The following PKNOX2 variants were observed in gnomAD, a reference collection of about 807,000 sequenced individuals.
PKNOX2 encodes PBX/knotted 1 homeobox 2, also known as homeobox protein PKNOX2.
Under a neutral mutation model 53.1 loss-of-function variants are expected in PKNOX2, and 14 were observed. That is an observed-to-expected ratio of 0.26 (90% CI 0.17 to 0.41). PKNOX2 has a LOEUF of 0.41. Ranked by LOEUF, PKNOX2 falls within the 10% of genes least tolerant of loss-of-function variation. PKNOX2 has a pLI of 1.00. For synonymous variants in PKNOX2, 257 were observed against 242.8 expected (o/e 1.06, Z -0.54); for missense variants, 496 against 602.8 (o/e 0.82, Z 1.85).
At chr11:125,374,452 G>A (rs545413266) in intron 5 of PKNOX2, among the ~76,000 whole-genome samples, 1 of 152,180 alleles carries the variant, frequency 6.6e-6, no homozygotes, top group Non-Finnish European at 1.5e-5. Context: ...ATAGTCAGGG[G>A]GGTGATCCTG....
At chr11:125,378,332 G>A (rs548952289) in intron 5 of PKNOX2, among the ~76,000 whole-genome samples, 1 of 152,198 alleles carries the variant, frequency 6.6e-6, no homozygotes, top group Admixed American at 6.5e-5. Context: ...CTGAGCAGTG[G>A]GACCCTGACC....
intron 4 of PKNOX2, among the ~76,000 whole-genome samples, chr11:125,357,751 G>A (rs529946063): frequency 1.3e-5 from 2 of 152,296 alleles, no homozygotes; most frequent in East Asian, 3.9e-4. Context: ...GTGGTCTGAA[G>A]AGGAGGATGG....
rs1041010467 is a variant in PKNOX2, at chr11:125,166,744, C to T, written c.-201+1968C>T. On this transcript the variant is annotated intron_variant, in intron 1 of 12. Coordinates refer to ENST00000298282, the MANE Select transcript of PKNOX2 (RefSeq NM_001382323.2). The surrounding 1 kb of genome is among the most constrained non-coding windows in gnomAD (Gnocchi z 4.0). ...GCTTCCTGTGCTTACCCGCGCCGGACTGAGAAGCCCACAAACCCGGCCTTT... is the reference window on the plus strand; with the variant it reads ...GCTTCCTGTGCTTACCCGCGCCGGATTGAGAAGCCCACAAACCCGGCCTTT... Among the ~76,000 whole-genome samples the T allele has an allele frequency of 6.6e-6, 1 of 152,206 alleles. No individual in the cohort carries two copies. The highest frequency in any genetic ancestry group is 6.5e-5 in the Admixed American group (1 of 15,288).
At chr11:125,402,029 T>C (rs1374895873) in intron 7 of PKNOX2, among the ~76,000 whole-genome samples, 1 of 152,166 alleles carries the variant, frequency 6.6e-6, no homozygotes, top group Non-Finnish European at 1.5e-5. Flanking sequence ...TGTTTTCAAC[T>C]TGGTATCCCC....
At chr11:125,323,156 C>T (rs1165411934) in intron 2 of PKNOX2, among the ~76,000 whole-genome samples, 1 of 151,852 alleles carries the variant, frequency 6.6e-6, no homozygotes, top group Non-Finnish European at 1.5e-5. Flanking sequence ...CAGTGCGTTT[C>T]CAGCATCCGT....
intron 2 of PKNOX2, among the ~76,000 whole-genome samples, chr11:125,295,417 C>A (rs1565490125): frequency 6.6e-6 from 1 of 152,138 alleles, no homozygotes; most frequent in Non-Finnish European, 1.5e-5. Flanking sequence ...TATGTACACA[C>A]GTGTGTGTGT....
intron 3 of PKNOX2, among the ~76,000 whole-genome samples, chr11:125,337,122 G>A (rs1001675439): frequency 6.6e-5 from 10 of 152,050 alleles, no homozygotes; most frequent in African/African-American, 2.4e-4. Context: ...GCATTCTATA[G>A]GTGATTATAA....
chr11:125,230,832 G>A (rs1353209714), intron 1 of PKNOX2, among the ~76,000 whole-genome samples: 1 of 152,188 alleles, frequency 6.6e-6, no homozygotes, highest in African/African-American at 2.4e-5. Flanking sequence ...AGGTGCTACT[G>A]TTAGCACACT....
intron 1 of PKNOX2, among the ~76,000 whole-genome samples, chr11:125,170,971 G>T (rs1391737608): frequency 6.6e-6 from 1 of 151,594 alleles, no homozygotes; most frequent in Non-Finnish European, 1.5e-5. Context: ...GTGGGGGAGG[G>T]GGGAGGCTGG....
chr11:125,411,651 G>A, intron 9 of PKNOX2, 95 bp from the exon 10 acceptor site: 3 of 1,600,732 alleles, frequency 1.9e-6, no homozygotes, highest in Non-Finnish European at 2.6e-6. Context: ...CGGGAAAGGG[G>A]CTGGCAGCCA....
intron 4 of PKNOX2, among the ~76,000 whole-genome samples, chr11:125,356,032 C>T (rs532827639): frequency 1.4e-5 from 2 of 143,936 alleles, no homozygotes; most frequent in African/African-American, 2.7e-5. Context: ...TATCAGCACC[C>T]CCCCCCCCAC....
At chr11:125,431,121 G>A (rs1956680716) in intron 12 of PKNOX2, 45 bp from the exon 13 acceptor site, 2 of 1,593,376 alleles carry the variant, frequency 1.3e-6, no homozygotes, top group Admixed American at 3.5e-5. Context: ...TGCTGGCCCT[G>A]ACCAGCAGCC....
chr11:125,208,812 A>G (rs530079758), intron 1 of PKNOX2, among the ~76,000 whole-genome samples: 1 of 152,212 alleles, frequency 6.6e-6, no homozygotes, highest in African/African-American at 2.4e-5. Flanking sequence ...AAAGATGAGC[A>G]GGTTCAGGGA....
At chr11:125,337,642 C>T (rs925970099) in intron 3 of PKNOX2, among the ~76,000 whole-genome samples, 1 of 152,274 alleles carries the variant, frequency 6.6e-6, no homozygotes. Flanking sequence ...CCTTTCTTAG[C>T]GCTGGGATCT....
chr11:125,354,174 T>C (rs1462508450), intron 4 of PKNOX2, among the ~76,000 whole-genome samples: 1 of 152,162 alleles, frequency 6.6e-6, no homozygotes, highest in Non-Finnish European at 1.5e-5. Flanking sequence ...CCCAGCTTCC[T>C]AGGGGGAGAC....
intron 1 of PKNOX2, among the ~76,000 whole-genome samples, chr11:125,226,564 A>G (rs961207318): frequency 6.6e-6 from 1 of 152,048 alleles, no homozygotes; most frequent in African/African-American, 2.4e-5. Flanking sequence ...CACCCTTTCC[A>G]ACACGCCAAA....
chr11:125,258,157 C>T (rs1944557636), intron 2 of PKNOX2, among the ~76,000 whole-genome samples: 1 of 152,174 alleles, frequency 6.6e-6, no homozygotes, highest in Admixed American at 6.5e-5. Context: ...CCCCAGCACC[C>T]CTGCAACCTC....
chr11:125,323,714 G>A (rs1053045485), intron 2 of PKNOX2, among the ~76,000 whole-genome samples: 2 of 152,218 alleles, frequency 1.3e-5, no homozygotes, highest in African/African-American at 4.8e-5. Context: ...GTCAGAGAGA[G>A]GCTTCCGACT....
intron 7 of PKNOX2, among the ~76,000 whole-genome samples, chr11:125,405,830 C>T (rs1052324343): frequency 2.0e-5 from 3 of 152,162 alleles, no homozygotes; most frequent in Non-Finnish European, 4.4e-5. Context: ...CCCATGGAGC[C>T]CGGCGTGTTG....
Sources: gnomAD v4.1 joint callset for allele counts (sites outside exome capture counted in the v4.1 genomes callset) on GRCh38, gnomAD v4.1.1 for gene constraint, Gnocchi (gnomAD v3.1) non-coding constraint, MANE v1.5 for transcripts, NCBI Gene and HGNC (gene_info 2026-07-23, HGNC 2026-07-21) for gene names.